SERGEF: variants seen among roughly 807,000 people sequenced by gnomAD.
SERGEF encodes the protein secretion regulating guanine nucleotide exchange factor.
SERGEF carries 51 observed loss-of-function variants against 50.0 expected under a neutral mutation model. The ratio of observed to expected loss-of-function variants is 1.02; its 90% CI spans 0.81 to 1.29. The LOEUF is 1.29. SERGEF is among the 50% of genes most tolerant of loss of function. The pLI is 0.00. For synonymous variants in SERGEF, 205 were observed against 212.4 expected, an observed-to-expected ratio of 0.97 and a Z score of 0.30; for missense variants, 521 against 557.0, an observed-to-expected ratio of 0.94 and a Z score of 0.65.
intron 10 of SERGEF, among the ~76,000 whole-genome samples, chr11:17,812,036 G>T (rs548365686): frequency 1.3e-5 from 2 of 152,310 alleles, no homozygotes; most frequent in African/African-American, 4.8e-5. Flanking sequence ...GAAAAGGTCT[G>T]CCCACCAAAT....
chr11:17,804,807 C>T (rs1046684801), intron 10 of SERGEF, among the ~76,000 whole-genome samples: 1 of 152,148 alleles, frequency 6.6e-6, no homozygotes, highest in Non-Finnish European at 1.5e-5. Flanking sequence ...CCTCAGAGGC[C>T]TCAATGGACT....
At chr11:17,846,968 G>T (rs1183403791) in intron 10 of SERGEF, among the ~76,000 whole-genome samples, 1 of 152,134 alleles carries the variant, frequency 6.6e-6, no homozygotes, top group Non-Finnish European at 1.5e-5. Flanking sequence ...CCCCCTAGTG[G>T]CTCCACAGTA....
At chr11:17,961,920 C>T (rs562589848) in intron 8 of SERGEF, among the ~76,000 whole-genome samples, 1 of 152,304 alleles carries the variant, frequency 6.6e-6, no homozygotes, top group Admixed American at 6.5e-5. Context: ...GACCTCTTCC[C>T]AGGTACCCAG....
At chr11:17,809,334 G>C (rs570032832) in intron 10 of SERGEF, among the ~76,000 whole-genome samples, 2 of 152,148 alleles carry the variant, frequency 1.3e-5, no homozygotes, top group African/African-American at 2.4e-5. Flanking sequence ...ATGGCAGATG[G>C]CTCAAGAAAT....
intron 10 of SERGEF, among the ~76,000 whole-genome samples, chr11:17,811,049 C>T (rs1001784167): frequency 8.5e-5 from 13 of 152,134 alleles, no homozygotes; most frequent in African/African-American, 1.2e-4. Flanking sequence ...AGCCTAGGGA[C>T]ACTGGTAATG....
chr11:17,895,199 G>A (rs958794364), intron 9 of SERGEF, among the ~76,000 whole-genome samples: 3 of 152,130 alleles, frequency 2.0e-5, no homozygotes, highest in Admixed American at 6.5e-5. Context: ...GCCCCTCACC[G>A]TAAGGATCAC....
At chr11:17,962,663 A>G (rs1485231816) in intron 8 of SERGEF, among the ~76,000 whole-genome samples, 2 of 152,234 alleles carry the variant, frequency 1.3e-5, no homozygotes, top group Non-Finnish European at 2.9e-5. Flanking sequence ...ATAACTACAG[A>G]GCCAAGAAGT....
At chr11:17,964,906 C>T (rs1295767928) in intron 8 of SERGEF, among the ~76,000 whole-genome samples, 1 of 152,210 alleles carries the variant, frequency 6.6e-6, no homozygotes. Context: ...AAACACAGAA[C>T]TAACTGACCA....
intron 9 of SERGEF, among the ~76,000 whole-genome samples, chr11:17,924,391 C>T (rs1028957399): frequency 6.6e-6 from 1 of 152,052 alleles, no homozygotes; most frequent in East Asian, 1.9e-4. Flanking sequence ...GGAAAGAGAA[C>T]CTGGTATGTT....
At chr11:17,841,842 G>A (rs183596748) in intron 10 of SERGEF, among the ~76,000 whole-genome samples, 6 of 152,248 alleles carry the variant, frequency 3.9e-5, no homozygotes, top group Admixed American at 2.0e-4. Context: ...CTCTCACCAT[G>A]GGGGCCATAT....
In SERGEF at chr11:17,861,966, T is replaced by C. The variant is rs530625955; in HGVS notation, c.1048+16242A>G. ...AACAGTACTAGCTTCTAAAAATAGA[T>C]CAAATCAAGTCATTTCTCTGCTTTA... On this transcript the variant is annotated intron_variant, in intron 10 of 10. Transcript: ENST00000265965. 2.0e-5 allele frequency among the ~76,000 whole-genome samples: 3 copies of C among 152,350 alleles called. No individual in the cohort carries two copies. The South Asian group carries it at 6.2e-4, about 32-fold the overall frequency.
Position 17,947,502 on chromosome 11 carries a change from G to A in SERGEF, c.1011+11968C>T, listed in dbSNP as rs532716954. On this transcript the variant is annotated intron_variant, in intron 9 of 10. Coordinates refer to ENST00000265965, the MANE Select transcript of SERGEF (RefSeq NM_012139.4). ...AAGTGGTGGTTTCTAGGGAAGGAAAGCCTCTTGGGTGGCTCTGTTTACCTC... is the reference window on the plus strand; with the variant it reads ...AAGTGGTGGTTTCTAGGGAAGGAAAACCTCTTGGGTGGCTCTGTTTACCTC... 6.6e-5 allele frequency among the ~76,000 whole-genome samples: 10 copies of A among 152,342 alleles called. No homozygotes were observed. The South Asian group carries it at 2.1e-3, about 32-fold the overall frequency.
In SERGEF at chr11:17,965,265, G is replaced by A. The variant is rs568365083; in HGVS notation, c.845-5629C>T. Among the ~76,000 whole-genome samples, 13 of 152,232 alleles carry A rather than the reference G, an allele frequency of 8.5e-5. No individual in the cohort carries two copies. In the South Asian group the frequency reaches 1.9e-3, roughly 22 times the overall value. On this transcript the variant is annotated intron_variant, in intron 8 of 10. Transcript: ENST00000265965. ...GCTGGCTCTCATTCTCTCTGCTGCC[G>A]CCCTATGAAGGGGTGCCTTCTGTCA...
intron 9 of SERGEF, among the ~76,000 whole-genome samples, chr11:17,922,917 G>T (rs1312346299): frequency 6.6e-6 from 1 of 152,176 alleles, no homozygotes; most frequent in South Asian, 2.1e-4. Flanking sequence ...CACCTCTTTT[G>T]ATTTCAGATT....
intron 9 of SERGEF, among the ~76,000 whole-genome samples, chr11:17,924,351 AG>A (rs1235673381): frequency 1.3e-5 from 2 of 152,224 alleles, no homozygotes; most frequent in African/African-American, 4.8e-5. Flanking sequence ...ATCAGGCCAA[AG>A]GAAGGCCATG....
At chr11:17,963,121 G>A (rs1270367220) in intron 8 of SERGEF, among the ~76,000 whole-genome samples, 3 of 147,724 alleles carry the variant, frequency 2.0e-5, no homozygotes, top group African/African-American at 7.6e-5. Context: ...GGCAGAGGTT[G>A]CAGTGAGCCG....
intron 10 of SERGEF, among the ~76,000 whole-genome samples, chr11:17,844,959 G>T (rs2133865978): frequency 6.6e-6 from 1 of 151,666 alleles, no homozygotes; most frequent in Admixed American, 6.6e-5. Context: ...CCTGTTTTAA[G>T]AAAGTTTACA....
Position 17,882,219 on chromosome 11 carries a change from CA to C in SERGEF, c.1012-3976del, listed in dbSNP as rs1590174639. ...TCGTTTGAGGCCAGGAGTTCGAGAC[CA>C]GCCTGGCCAACATGGTGAAACCCCG... On this transcript the variant is annotated intron_variant, in intron 9 of 10. Coordinates refer to ENST00000265965, the MANE Select transcript of SERGEF (RefSeq NM_012139.4). Among the ~76,000 whole-genome samples, 3 of 152,136 alleles carry C rather than the reference CA, an allele frequency of 2.0e-5. No individual in the cohort carries two copies. In the South Asian group the frequency reaches 6.2e-4, roughly 32 times the overall value.
chr11:17,844,065 T>G (rs7110032), intron 10 of SERGEF, among the ~76,000 whole-genome samples: 27,657 of 152,042 alleles, frequency 0.18, 2,813 homozygotes, highest in East Asian at 0.34. Flanking sequence ...GATAGAATAG[T>G]CCAGGTGACT....
Sources: allele counts gnomAD v4.1 joint callset (sites outside exome capture counted in the v4.1 genomes callset), GRCh38; gene constraint gnomAD v4.1.1; transcripts MANE v1.5; gene names NCBI Gene and HGNC (gene_info 2026-07-23, HGNC 2026-07-21).